Variants in PLEKHO2 observed in about 807,000 individuals in gnomAD.
The protein encoded by PLEKHO2 is pleckstrin homology domain-containing family O member 2.
In PLEKHO2, 20 loss-of-function variants were observed where a neutral mutation model predicts 32.7. The ratio of observed to expected loss-of-function variants is 0.61; its 90% CI spans 0.43 to 0.89. PLEKHO2 has a LOEUF of 0.89. Ranked by LOEUF, PLEKHO2 falls within the 40% of genes least tolerant of loss-of-function variation. The pLI is 0.00. For missense variants in PLEKHO2, 568 were observed against 621.2 expected, an observed-to-expected ratio of 0.91 and a Z score of 0.91; for synonymous variants, 247 against 246.3, an observed-to-expected ratio of 1.00 and a Z score of -0.03.
At chr15:64,846,471 G>A (rs577743916) in intron 1 of PLEKHO2, among the ~76,000 whole-genome samples, 3 of 152,034 alleles carry the variant, frequency 2.0e-5, no homozygotes, top group East Asian at 3.9e-4. Context: ...CGCCACCACC[G>A]CCCGGCTATT....
intron 1 of PLEKHO2, among the ~76,000 whole-genome samples, chr15:64,847,683 C>T (rs1240331022): frequency 1.3e-5 from 2 of 152,176 alleles, no homozygotes; most frequent in African/African-American, 2.4e-5. Flanking sequence ...CCCCAAGGCT[C>T]CAGGGTGTCT....
chr15:64,848,680 G>C lies in PLEKHO2; in HGVS notation c.100G>C (p.Gly34Arg). Residue 34 changes from glycine to arginine, a missense_variant, in exon 2 of 6, where the codon GGT (glycine) becomes CGT (arginine). Coordinates refer to ENST00000323544, the MANE Select transcript of PLEKHO2 (RefSeq NM_025201.5). The stretch of plus-strand genomic sequence containing the variant: ...CAAGAAGAGCAGTGGGGGCCTCCTG[G>C]GTTTCTGGAAAGACCGATATCTGCT... ...WIKKSSGGLLGFWKDRYLLLC... is the reference protein window; with the variant it reads ...WIKKSSGGLLRFWKDRYLLLC... The C allele has an allele frequency of 6.2e-7, 1 of 1,614,128 alleles. No individual in the cohort carries two copies. The highest frequency in any genetic ancestry group is 8.5e-7 in the Non-Finnish European group (1 of 1,180,022).
intron 4 of PLEKHO2, 104 bp downstream of exon 4, chr15:64,860,102 T>G: frequency 2.1e-6 from 2 of 945,398 alleles, no homozygotes; most frequent in Admixed American, 2.0e-5. Flanking sequence ...ACCCCTTGAT[T>G]ATGTCACTGC....
rs559208872 is a variant in PLEKHO2, at chr15:64,844,699, G to T, written c.12+2671G>T. ...ATAGTAAAGGGGTTGAGGGGGCAGG[G>T]GCTTTGATAACCTTTTGTGCCTTGC... On this transcript the variant is annotated intron_variant, in intron 1 of 5. Coordinates refer to ENST00000323544, the MANE Select transcript of PLEKHO2 (RefSeq NM_025201.5). 2.2e-4 allele frequency among the ~76,000 whole-genome samples: 33 copies of T among 152,282 alleles called. No homozygotes were observed. In the South Asian group the frequency reaches 2.9e-3, roughly 13 times the overall value.
At chr15:64,852,621 G>A (rs1267484863) in intron 2 of PLEKHO2, among the ~76,000 whole-genome samples, 1 of 151,562 alleles carries the variant, frequency 6.6e-6, no homozygotes, top group Non-Finnish European at 1.5e-5. Flanking sequence ...GTGTAGAGCA[G>A]TGGTTCTTTT....
chr15:64,847,447 C>T (rs74402553), intron 1 of PLEKHO2, among the ~76,000 whole-genome samples: 2,291 of 152,302 alleles, frequency 0.015, 70 homozygotes, highest in African/African-American at 0.052. Context: ...CCACTTCACA[C>T]TCACGACTCT....
At position 64,865,749 on chromosome 15, in the gene PLEKHO2, G is replaced by A. The variant is rs143349495; in HGVS notation, c.1334G>A (p.Ser445Asn). ...CCTGTTAGTGCCGAAACATTGCTCAGCCAGGCTGTGGAGCAGCTGAGGCAG... is the reference window on the plus strand; with the variant it reads ...CCTGTTAGTGCCGAAACATTGCTCAACCAGGCTGTGGAGCAGCTGAGGCAG... The part of the protein sequence containing the change: ...PAPVSAETLL[S>N]QAVEQLRQAT... The change falls in exon 6 of 6, where the codon AGC becomes AAC. Residue 445 changes from serine (S) to asparagine (N), a missense_variant. By Grantham distance (46) the Ser-to-Asn change is conservative. Coordinates refer to ENST00000323544, the MANE Select transcript of PLEKHO2 (RefSeq NM_025201.5). The A allele has an allele frequency of 4.3e-6, 7 of 1,614,112 alleles. No individual in the cohort carries two copies.
At chr15:64,860,054 GA>G in intron 4 of PLEKHO2, 56 bp downstream of exon 4, 1 of 1,504,704 alleles carries the variant, frequency 6.6e-7, no homozygotes, top group Non-Finnish European at 9.2e-7. Context: ...CACTGCGTGT[GA>G]TCTAGGAGAG....
At chr15:64,845,376 G>C (rs1463064841) in intron 1 of PLEKHO2, among the ~76,000 whole-genome samples, 1 of 152,070 alleles carries the variant, frequency 6.6e-6, no homozygotes, top group East Asian at 1.9e-4. Flanking sequence ...TCAGTGAGGA[G>C]AGGAGGCCGA....
At chr15:64,855,678 G>A (rs1272487523) in intron 3 of PLEKHO2, among the ~76,000 whole-genome samples, 1 of 152,220 alleles carries the variant, frequency 6.6e-6, no homozygotes, top group Non-Finnish European at 1.5e-5. Flanking sequence ...GGAGTCTGGT[G>A]GGTGTTGACA....
At chr15:64,844,700 G>A (rs1230381764) in intron 1 of PLEKHO2, among the ~76,000 whole-genome samples, 1 of 152,148 alleles carries the variant, frequency 6.6e-6, no homozygotes, top group Non-Finnish European at 1.5e-5. Flanking sequence ...GGGGGCAGGG[G>A]CTTTGATAAC....
At position 64,866,632 on chromosome 15, in the gene PLEKHO2, T is replaced by G; in HGVS notation, c.*744T>G. On this transcript the variant is annotated 3_prime_UTR_variant, in exon 6 of 6. Transcript: ENST00000323544. The stretch of plus-strand genomic sequence containing the variant: ...GAGGATTCAAGAGTGGAAGAGGAAT[T>G]TAAGGGGTCCCCTAGTCTAGTCTCT... The G allele has an allele frequency of 3.1e-6, 1 of 322,594 alleles. No individual in the cohort carries two copies. Among genetic ancestry groups the G allele is most frequent in the Admixed American group, 4.0e-5 (1 of 25,074 alleles). The allele number at this position is 322,594 out of a possible 1,614,324, so 20.0% of individuals were successfully genotyped here.
rs368676620 is a variant in PLEKHO2, at chr15:64,865,297, C to G, written c.882C>G (p.Pro294=). Residue 294 remains proline, a synonymous_variant, in exon 6 of 6, where the codon CCC becomes CCG. Transcript: ENST00000323544. ...AAESAEPSQA[P]CSETSEAAPR... is the part of the protein sequence containing the mutation. ...AGAGTGCAGAACCGTCCCAGGCACC[C>G]TGTTCTGAGACTTCTGAGGCTGCCC... 6.2e-7 allele frequency: 1 copy of G among 1,613,708 alleles called. No homozygotes were observed. Among genetic ancestry groups the G allele is most frequent in the South Asian group, 1.1e-5 (1 of 91,066 alleles).
At chr15:64,855,144 G>A (rs145887272) in intron 3 of PLEKHO2, 107 bp downstream of exon 3, 117 of 826,814 alleles carry the variant, frequency 1.4e-4, no homozygotes, top group African/African-American at 4.9e-4. Flanking sequence ...CCTGTTTTCC[G>A]TTGCGTGTGG....
chr15:64,848,957 C>A (rs1423770724), intron 2 of PLEKHO2, among the ~76,000 whole-genome samples: 2 of 152,032 alleles, frequency 1.3e-5, no homozygotes, highest in East Asian at 1.9e-4. Flanking sequence ...GATGAGAGTT[C>A]TTTTCTTATT....
intron 1 of PLEKHO2, among the ~76,000 whole-genome samples, chr15:64,847,112 A>G (rs1400178716): frequency 6.6e-6 from 1 of 152,198 alleles, no homozygotes; most frequent in Non-Finnish European, 1.5e-5. Flanking sequence ...CTAAGCCCAG[A>G]TTCCCCACCA....
At chr15:64,863,038 A>T (rs1185478077) in intron 5 of PLEKHO2, among the ~76,000 whole-genome samples, 2 of 150,360 alleles carry the variant, frequency 1.3e-5, no homozygotes, top group East Asian at 2.0e-4. Context: ...TTCCGGGTTC[A>T]AGAAGTTCTC....
At chr15:64,863,511 GTGTGTGTT>G (rs940298515) in intron 5 of PLEKHO2, among the ~76,000 whole-genome samples, 1 of 107,588 alleles carries the variant, frequency 9.3e-6, no homozygotes, top group African/African-American at 3.9e-5. Flanking sequence ...CGCTGTGTGT[GTGTGTGTT>G]TGTGTGTGTG....
At chr15:64,864,777 G>A in intron 5 of PLEKHO2, 122 bp from the exon 6 acceptor site, 3 of 1,030,502 alleles carry the variant, frequency 2.9e-6, no homozygotes, top group Non-Finnish European at 4.3e-6. Flanking sequence ...GACAGAGGGA[G>A]GCTGGGGAGC....
Sources: gnomAD v4.1 joint callset for allele counts (sites outside exome capture counted in the v4.1 genomes callset) on GRCh38, gnomAD v4.1.1 for gene constraint, MANE v1.5 for transcripts, NCBI Gene and HGNC (gene_info 2026-07-23, HGNC 2026-07-21) for gene names.